The following PLEKHA7 variants were observed in gnomAD, a reference collection of about 807,000 sequenced individuals.
PLEKHA7 encodes the protein pleckstrin homology domain-containing family A member 7.
In PLEKHA7, 104 loss-of-function variants were observed where a neutral mutation model predicts 170.0. That is an observed-to-expected ratio of 0.61 (90% CI 0.52 to 0.72). PLEKHA7 has a LOEUF of 0.72. Ranked by LOEUF, PLEKHA7 falls within the 30% of genes least tolerant of loss-of-function variation. The pLI, the probability that PLEKHA7 is intolerant of heterozygous loss-of-function variation, is 0.00. For synonymous variants in PLEKHA7, 648 were observed against 660.8 expected, an observed-to-expected ratio of 0.98 and a Z score of 0.30; for missense variants, 1,615 against 1,671.7, an observed-to-expected ratio of 0.97 and a Z score of 0.59.
In PLEKHA7 at chr11:16,852,290, G is replaced by C. The variant is rs1411506633; in HGVS notation, c.588C>G (p.Tyr196Ter). The C allele has an allele frequency of 6.2e-7, 1 of 1,613,760 alleles. No individual in the cohort carries two copies. Among genetic ancestry groups the C allele is most frequent in the Non-Finnish European group, 8.5e-7 (1 of 1,179,908 alleles). The change falls in exon 7 of 27, where the codon TAC becomes TAG. Residue 196 changes from tyrosine (Y) to a stop codon, truncating the protein, a stop_gained. Coordinates refer to ENST00000531066, the MANE Select transcript of PLEKHA7 (RefSeq NM_001329630.2). LOFTEE classifies it high-confidence loss of function. Reference protein sequence around the residue: ...WFVLADYCLFYYKDSREEAVL... With the variant: ...WFVLADYCLF ...GGCTACTTGTTAGCTCACCTTTATA[G>C]TAAAATAAGCAGTAATCAGCAAGCA...
chr11:16,928,556 G>T (rs1004522234), intron 3 of PLEKHA7, among the ~76,000 whole-genome samples: 1 of 151,542 alleles, frequency 6.6e-6, no homozygotes, highest in African/African-American at 2.4e-5. Flanking sequence ...GAGCTCAAGT[G>T]GTTCTCCCAC....
In PLEKHA7 at chr11:16,791,482, G is replaced by A; in HGVS notation, c.2746-283C>T. 6.7e-6 allele frequency: 4 copies of A among 596,360 alleles called. No individual in the cohort carries two copies. Among genetic ancestry groups the A allele is most frequent in the Non-Finnish European group, 1.3e-5 (4 of 318,878 alleles). 36.9% of individuals were successfully genotyped at this position (596,360 alleles called of 1,614,324 possible). A position where few individuals can be genotyped will look rare whatever the true frequency, so the allele number is the denominator to read the frequency against. ...CAGGACTCAGGTCTCCTGGGTCCAT[G>A]CCCTCGGTGCTGTGCTGAACTGCTC... On this transcript the variant is annotated intron_variant, in intron 19 of 26. Coordinates refer to ENST00000531066, the MANE Select transcript of PLEKHA7 (RefSeq NM_001329630.2). This position sits in a 1 kb window ranked among gnomAD's most constrained non-coding sequence, Gnocchi z 4.5.
intron 3 of PLEKHA7, among the ~76,000 whole-genome samples, chr11:16,901,787 T>A (rs1590545823): frequency 6.6e-6 from 1 of 152,096 alleles, no homozygotes; most frequent in Non-Finnish European, 1.5e-5. Flanking sequence ...GGGAGGATGG[T>A]TTGACCCAGG....
At chr11:16,875,446 C>CTTT (rs59524843) in intron 3 of PLEKHA7, among the ~76,000 whole-genome samples, 1 of 149,526 alleles carries the variant, frequency 6.7e-6, no homozygotes, top group Non-Finnish European at 1.5e-5. Context: ...AATTTCTTTC[C>CTTT]TTTTTTTTTC....
chr11:16,813,304 C>A, intron 12 of PLEKHA7, 138 bp from the exon 13 acceptor site: 1 of 590,620 alleles, frequency 1.7e-6, no homozygotes. Context: ...TCAGGGGCCA[C>A]AGAGGAAGCA....
intron 3 of PLEKHA7, among the ~76,000 whole-genome samples, chr11:16,986,267 G>T (rs1050466845): frequency 6.6e-6 from 1 of 152,174 alleles, no homozygotes; most frequent in African/African-American, 2.4e-5. Flanking sequence ...AAACCAGTCG[G>T]AACCATCTGC....
chr11:16,813,522 G>C (rs895212765), intron 12 of PLEKHA7, among the ~76,000 whole-genome samples: 12 of 152,208 alleles, frequency 7.9e-5, no homozygotes, highest in Admixed American at 5.9e-4. Context: ...ACCTGAGCTA[G>C]AGCGCATCAG....
At chr11:16,960,922 C>G (rs1283356776) in intron 3 of PLEKHA7, among the ~76,000 whole-genome samples, 1 of 152,024 alleles carries the variant, frequency 6.6e-6, no homozygotes, top group African/African-American at 2.4e-5. Context: ...CTCCTTGAAC[C>G]CAAGCTCATC....
intron 3 of PLEKHA7, among the ~76,000 whole-genome samples, chr11:16,945,061 C>T (rs1173707447): frequency 1.3e-5 from 2 of 152,060 alleles, no homozygotes; most frequent in Non-Finnish European, 2.9e-5. Context: ...CTCAGCCTCC[C>T]GAGTAGCTGC....
rs776303596 is a variant in PLEKHA7 at position 16,789,061 on chromosome 11, G to GT, written c.3357+34dup. The GT allele has an allele frequency of 3.8e-6, 6 of 1,587,454 alleles. No homozygotes were observed. The highest frequency in any genetic ancestry group is 5.1e-6 in the Non-Finnish European group (6 of 1,174,740). ...GACTCTGAGGGGCACTCGGCTCCCT[G>GT]TCCCTGCCCCGCTGCCTGGCCCCTC... On this transcript the variant is annotated intron_variant, in intron 23 of 26. Coordinates refer to ENST00000531066, the MANE Select transcript of PLEKHA7 (RefSeq NM_001329630.2). This position sits in a 1 kb window ranked among gnomAD's most constrained non-coding sequence, Gnocchi z 4.6.
At chr11:16,890,300 A>G (rs1856526779) in intron 3 of PLEKHA7, among the ~76,000 whole-genome samples, 1 of 152,232 alleles carries the variant, frequency 6.6e-6, no homozygotes, top group Non-Finnish European at 1.5e-5. Flanking sequence ...CTCACATAGC[A>G]ATACTAACCT....
At chr11:16,928,582 A>T (rs1380709167) in intron 3 of PLEKHA7, among the ~76,000 whole-genome samples, 1 of 151,800 alleles carries the variant, frequency 6.6e-6, no homozygotes, top group Non-Finnish European at 1.5e-5. Flanking sequence ...TCTTCTGAGT[A>T]GCTGACACTA....
At chr11:16,927,736 C>T (rs748147967) in intron 3 of PLEKHA7, among the ~76,000 whole-genome samples, 2 of 152,166 alleles carry the variant, frequency 1.3e-5, no homozygotes, top group South Asian at 2.1e-4. Context: ...CCATCAATTC[C>T]GCAACCAAGA....
At position 17,013,939 on chromosome 11, in the gene PLEKHA7, G is replaced by GA. The variant is rs759514923; in HGVS notation, c.221+49dup. ...GGGGCGCCCGGCGGGAACGGGGAGG[G>GA]ACCCCCCCCCCGCGGCACAGGTGCG... On this transcript the variant is annotated intron_variant, in intron 3 of 26. Coordinates refer to ENST00000531066, the MANE Select transcript of PLEKHA7 (RefSeq NM_001329630.2). 38 of 1,421,308 alleles carry GA rather than the reference G, an allele frequency of 2.7e-5. No individual in the cohort carries two copies. In the African/African-American group the frequency reaches 7.3e-4, roughly 27 times the overall value. The allele number at this position is 1,421,308 out of a possible 1,614,324, so 88.0% of individuals were successfully genotyped here. A position where few individuals can be genotyped will look rare whatever the true frequency, so the allele number is the denominator to read the frequency against.
rs569915048 is a variant in PLEKHA7, at chr11:16,922,496, C to G, written c.222-51314G>C. 9.2e-5 allele frequency among the ~76,000 whole-genome samples: 14 copies of G among 152,354 alleles called. No homozygotes were observed. The South Asian group carries it at 2.9e-3, about 32-fold the overall frequency. On this transcript the variant is annotated intron_variant, in intron 3 of 26. Coordinates refer to ENST00000531066, the MANE Select transcript of PLEKHA7 (RefSeq NM_001329630.2). The stretch of plus-strand genomic sequence containing the variant: ...TGCTTCAATTAACCCCTCATTCTCT[C>G]TCCCCTCATTCCTGGGTACTCACAG...
At position 16,902,585 on chromosome 11, in the gene PLEKHA7, G is replaced by A. The variant is rs913677760; in HGVS notation, c.222-31403C>T. Among the ~76,000 whole-genome samples the A allele has an allele frequency of 2.6e-5, 4 of 152,268 alleles. No individual in the cohort carries two copies. The South Asian group carries it at 6.2e-4, about 24-fold the overall frequency. On this transcript the variant is annotated intron_variant, in intron 3 of 26. Coordinates refer to ENST00000531066, the MANE Select transcript of PLEKHA7 (RefSeq NM_001329630.2). ...TTACGGTTTTGTTTTGCATTTCCTT[G>A]ATGGCTAATGATGCTGAGCATCTTT... is the stretch of plus-strand genomic sequence containing the variant.
intron 6 of PLEKHA7, among the ~76,000 whole-genome samples, chr11:16,853,144 A>C (rs1056117849): frequency 6.6e-6 from 1 of 152,180 alleles, no homozygotes; most frequent in South Asian, 2.1e-4. Flanking sequence ...CCAGGAATTC[A>C]AGACCAGCCT....
chr11:16,885,198 C>T (rs12292623), intron 3 of PLEKHA7, among the ~76,000 whole-genome samples: 165 of 152,024 alleles, frequency 1.1e-3, no homozygotes, highest in African/African-American at 4.0e-3. Flanking sequence ...GGTGTGGTGG[C>T]ACATGCCTGT....
At chr11:16,842,770 G>T (rs1243369755) in intron 8 of PLEKHA7, among the ~76,000 whole-genome samples, 1 of 152,120 alleles carries the variant, frequency 6.6e-6, no homozygotes, top group East Asian at 1.9e-4. Flanking sequence ...ATAAGAAGAT[G>T]ATGTGAAAAG....
Sources: gnomAD v4.1 joint callset for allele counts (sites outside exome capture counted in the v4.1 genomes callset) on GRCh38, gnomAD v4.1.1 for gene constraint, Gnocchi (gnomAD v3.1) non-coding constraint, MANE v1.5 for transcripts, NCBI Gene and HGNC (gene_info 2026-07-23, HGNC 2026-07-21) for gene names.